The following MYH15 variants were observed in gnomAD, a reference collection of about 807,000 sequenced individuals.
The protein encoded by MYH15 is myosin heavy chain 15.
In MYH15, 227 loss-of-function variants were observed where a neutral mutation model predicts 240.5. The observed-to-expected ratio is 0.94, with a 90% CI of 0.85 to 1.05. The LOEUF (loss-of-function observed/expected upper bound fraction) is 1.05, where lower values mean the gene tolerates loss of function less well. Among genes scored for constraint, MYH15 ranks in the 50% least tolerant of loss-of-function variants. The pLI is 0.00. For missense variants in MYH15, 2,217 were observed against 2,247.5 expected (o/e 0.99, Z 0.27); for synonymous variants, 785 against 796.7 (o/e 0.99, Z 0.25).
chr3:108,492,817 G>A (rs915408195), intron 8 of MYH15, among the ~76,000 whole-genome samples: 4 of 152,042 alleles, frequency 2.6e-5, no homozygotes, highest in African/African-American at 7.2e-5. Context: ...TGGGCATGGT[G>A]GCACATGCCT....
chr3:108,413,279 G>A (rs530803884), intron 30 of MYH15, among the ~76,000 whole-genome samples: 20 of 152,328 alleles, frequency 1.3e-4, no homozygotes, highest in African/African-American at 4.8e-4. Context: ...TTTAGTATCT[G>A]TCATTCTAAA....
At chr3:108,442,940 G>A (rs1433659840) in intron 22 of MYH15, among the ~76,000 whole-genome samples, 1 of 151,910 alleles carries the variant, frequency 6.6e-6, no homozygotes, top group African/African-American at 2.4e-5. Flanking sequence ...TTGCTTCCAT[G>A]TGTTTCCCAT....
chr3:108,461,128 A>C (rs1464894448), intron 16 of MYH15, among the ~76,000 whole-genome samples: 1 of 152,220 alleles, frequency 6.6e-6, no homozygotes, highest in Non-Finnish European at 1.5e-5. Context: ...GCAACAACAA[A>C]ATCCATAGGC....
chr3:108,464,633 C>T lies in MYH15; in HGVS notation c.1731+5G>A. ...TTCAAGACCGGGGGTCCAGAGGTAACTCACCACTCCTGCATAATGGACAAG... is the reference window on the plus strand; with the variant it reads ...TTCAAGACCGGGGGTCCAGAGGTAATTCACCACTCCTGCATAATGGACAAG... On this transcript the variant is annotated splice_donor_5th_base_variant and intron_variant, in intron 15 of 40. Coordinates refer to ENST00000693548, the MANE Select transcript of MYH15 (RefSeq NM_014981.3). 1 of 1,600,714 alleles carries T rather than the reference C, an allele frequency of 6.2e-7. No homozygotes were observed. Among genetic ancestry groups the T allele is most frequent in the Non-Finnish European group, 8.5e-7 (1 of 1,174,734 alleles).
At chr3:108,497,520 T>C (rs997711992) in intron 6 of MYH15, among the ~76,000 whole-genome samples, 2 of 152,150 alleles carry the variant, frequency 1.3e-5, no homozygotes, top group African/African-American at 4.8e-5. Context: ...CAAAGTAAGC[T>C]AAACTAAAAT....
chr3:108,498,620 G>A (rs891604562), intron 5 of MYH15, among the ~76,000 whole-genome samples: 1 of 152,184 alleles, frequency 6.6e-6, no homozygotes, highest in Non-Finnish European at 1.5e-5. Context: ...TGTGGGAAGA[G>A]CACAGTGGCA....
rs754227301 is a variant in MYH15, at chr3:108,381,535, G to T, written c.*10C>A. 1 of 1,613,638 alleles carries T rather than the reference G, an allele frequency of 6.2e-7. No homozygotes were observed. The highest frequency in any genetic ancestry group is 8.5e-7 in the Non-Finnish European group (1 of 1,179,696). ...CTTCTCCAGCTGTTGTCCTTTCAAA[G>T]CAGGGGATGCTATTCTTCTTGAACC... is the stretch of plus-strand genomic sequence containing the variant. On this transcript the variant is annotated 3_prime_UTR_variant, in exon 41 of 41. Coordinates refer to ENST00000693548, the MANE Select transcript of MYH15 (RefSeq NM_014981.3).
intron 12 of MYH15, among the ~76,000 whole-genome samples, chr3:108,473,336 C>T (rs938441198): frequency 2.0e-5 from 3 of 152,188 alleles, no homozygotes; most frequent in Admixed American, 1.3e-4. Context: ...TGATCCCTCT[C>T]TTTCTCATCT....
chr3:108,445,837 C>T (rs2082922814), intron 21 of MYH15, among the ~76,000 whole-genome samples: 1 of 79,336 alleles, frequency 1.3e-5, no homozygotes, highest in African/African-American at 4.7e-5. Context: ...AAAGGACACA[C>T]AGATTTGAAA....
the MYH15 span, among the ~76,000 whole-genome samples, chr3:108,546,495 T>A: frequency 6.6e-6 from 1 of 152,156 alleles, no homozygotes; most frequent in Non-Finnish European, 1.5e-5. Flanking sequence ...ATAATGAAAG[T>A]GAAAGCCAAT....
chr3:108,520,198 T>C (rs80072404), intron 1 of MYH15, among the ~76,000 whole-genome samples: 11 of 152,302 alleles, frequency 7.2e-5, no homozygotes, highest in Non-Finnish European at 1.5e-4. Flanking sequence ...CAAAAGATTA[T>C]ACCGAAAGTA....
At chr3:108,403,240 G>A (rs927518700) in intron 33 of MYH15, among the ~76,000 whole-genome samples, 1 of 152,302 alleles carries the variant, frequency 6.6e-6, no homozygotes, top group East Asian at 1.9e-4. Context: ...TGGCAGCAGA[G>A]AATTAGTTGA....
intron 28 of MYH15, 71 bp from the exon 29 acceptor site, chr3:108,417,001 G>T: frequency 2.5e-6 from 3 of 1,187,924 alleles, no homozygotes; most frequent in South Asian, 1.3e-5. Context: ...TTGACTTACT[G>T]ACTTTAAGGG....
At chr3:108,541,835 T>C in the MYH15 span, among the ~76,000 whole-genome samples, 2 of 152,134 alleles carry the variant, frequency 1.3e-5, no homozygotes, top group South Asian at 2.1e-4. Flanking sequence ...CCTATACGTA[T>C]TGATATCATG....
intron 7 of MYH15, among the ~76,000 whole-genome samples, chr3:108,495,447 T>A (rs62268053): frequency 0.088 from 13,387 of 152,168 alleles, 663 homozygotes; most frequent in Middle Eastern, 0.11. Context: ...GAGAAAATAA[T>A]TCAAATATGT....
rs148257226 is a variant in MYH15 at position 108,404,566 on chromosome 3, A to T, written c.4736+772T>A. Among the ~76,000 whole-genome samples the T allele has an allele frequency of 4.6e-3, 694 of 152,296 alleles. 1 individual carries two copies. Among genetic ancestry groups the T allele is most frequent in the Non-Finnish European group, 6.7e-3 (456 of 68,010 alleles). On this transcript the variant is annotated intron_variant, in intron 33 of 40. Transcript: ENST00000693548. ...TCTGTGACATGTAGGGACTGCTTTT[A>T]TCCCCTCACTTCACTGAGAAGCTAA...
intron 38 of MYH15, 78 bp downstream of exon 38, chr3:108,388,892 G>T: frequency 8.1e-7 from 1 of 1,238,614 alleles, no homozygotes; most frequent in Non-Finnish European, 1.2e-6. Flanking sequence ...GTCCCAGAAG[G>T]CCATTTCAGG....
chr3:108,481,455 C>T (rs34215229), intron 11 of MYH15, among the ~76,000 whole-genome samples: 12,693 of 152,164 alleles, frequency 0.083, 587 homozygotes, highest in Middle Eastern at 0.12. Context: ...TCAATAAAAA[C>T]TAGCTGTATG....
upstream of MYH15, among the ~76,000 whole-genome samples, chr3:108,512,893 C>A (rs1026764766): frequency 1.3e-5 from 2 of 152,030 alleles, no homozygotes; most frequent in Admixed American, 6.6e-5. Flanking sequence ...GCCTGGCAAC[C>A]ATTTGGAGAT....
Sources: allele counts gnomAD v4.1 joint callset (sites outside exome capture counted in the v4.1 genomes callset), GRCh38; gene constraint gnomAD v4.1.1; transcripts MANE v1.5; gene names NCBI Gene and HGNC (gene_info 2026-07-23, HGNC 2026-07-21).